SLC8A1: variants seen among roughly 807,000 people sequenced by gnomAD.
SLC8A1 encodes sodium/calcium exchanger 1.
A neutral mutation model predicts 68.3 loss-of-function variants in SLC8A1; 18 were observed. That is an observed-to-expected ratio of 0.26 (90% confidence interval 0.18 to 0.39). SLC8A1 has a LOEUF of 0.39. SLC8A1 is among the 10% of genes least tolerant of loss of function. SLC8A1 has a pLI of 1.00. For missense variants in SLC8A1, 985 were observed against 1,156.7 expected (o/e 0.85, Z 2.15); for synonymous variants, 475 against 415.5 (o/e 1.14, Z -1.74).
At chr2:40,218,744 TTAAC>T (rs1372857900) in intron 2 of SLC8A1, among the ~76,000 whole-genome samples, 2 of 150,976 alleles carry the variant, frequency 1.3e-5, no homozygotes, top group African/African-American at 4.8e-5. Flanking sequence ...AAAAAACTAA[TTAAC>T]ATCCTTGCTT....
At chr2:40,317,378 G>C (rs1484520262) in intron 2 of SLC8A1, among the ~76,000 whole-genome samples, 3 of 151,916 alleles carry the variant, frequency 2.0e-5, no homozygotes, top group Admixed American at 2.0e-4. Flanking sequence ...TAGTTGTTTT[G>C]GTTTAAGCTG....
chr2:40,239,310 C>T (rs1209873809), intron 2 of SLC8A1, among the ~76,000 whole-genome samples: 1 of 152,116 alleles, frequency 6.6e-6, no homozygotes, highest in East Asian at 1.9e-4. Flanking sequence ...TGACCATTAG[C>T]TGTCTGAGTG....
chr2:40,274,853 T>A (rs2066498997), intron 2 of SLC8A1, among the ~76,000 whole-genome samples: 1 of 152,188 alleles, frequency 6.6e-6, no homozygotes, highest in Non-Finnish European at 1.5e-5. Flanking sequence ...TCTCTGTAAA[T>A]GGATAAGGAT....
chr2:40,310,211 T>C (rs2073425961), intron 2 of SLC8A1, among the ~76,000 whole-genome samples: 2 of 152,120 alleles, frequency 1.3e-5, no homozygotes, highest in Non-Finnish European at 2.9e-5. Flanking sequence ...ATGTATGGAG[T>C]TGGTGCAGAC....
At chr2:40,186,972 AT>A (rs1558669398) in intron 2 of SLC8A1, among the ~76,000 whole-genome samples, 1 of 152,058 alleles carries the variant, frequency 6.6e-6, no homozygotes, top group East Asian at 1.9e-4. Context: ...GTTAGGTACT[AT>A]TATTCTTATT....
At chr2:40,308,669 A>G (rs1299298835) in intron 2 of SLC8A1, among the ~76,000 whole-genome samples, 1 of 152,168 alleles carries the variant, frequency 6.6e-6, no homozygotes, top group African/African-American at 2.4e-5. Flanking sequence ...ACAAAATAAA[A>G]ACAAACCTCT....
chr2:40,265,328 G>C (rs1479326840), intron 2 of SLC8A1, among the ~76,000 whole-genome samples: 1 of 152,206 alleles, frequency 6.6e-6, no homozygotes, highest in African/African-American at 2.4e-5. Context: ...CAGGTCTTAT[G>C]GTATTAAGGC....
chr2:40,351,806 G>C (rs1671193378), intron 2 of SLC8A1, among the ~76,000 whole-genome samples: 1 of 152,130 alleles, frequency 6.6e-6, no homozygotes, highest in Non-Finnish European at 1.5e-5. Flanking sequence ...AGAGATGGTA[G>C]GAATGAAAGA....
At chr2:40,132,226 G>C (rs190725137) in intron 7 of SLC8A1, among the ~76,000 whole-genome samples, 1 of 152,188 alleles carries the variant, frequency 6.6e-6, no homozygotes, top group East Asian at 1.9e-4. Context: ...CGATAGAGTA[G>C]CTAAGTACCA....
chr2:40,416,503 T>C (rs1020755352), intron 2 of SLC8A1, among the ~76,000 whole-genome samples: 1 of 152,212 alleles, frequency 6.6e-6, no homozygotes, highest in Non-Finnish European at 1.5e-5. Context: ...CTCTAAATCT[T>C]ATTCAGTGTT....
chr2:40,239,344 A>T (rs1390443937), intron 2 of SLC8A1, among the ~76,000 whole-genome samples: 4 of 152,210 alleles, frequency 2.6e-5, no homozygotes, highest in African/African-American at 9.6e-5. Flanking sequence ...TCACTGAGTT[A>T]TCTGGATTTT....
intron 6 of SLC8A1, among the ~76,000 whole-genome samples, chr2:40,153,037 A>ACATTT (rs1255711350): frequency 2.0e-5 from 3 of 152,200 alleles, no homozygotes; most frequent in Non-Finnish European, 2.9e-5. Context: ...TTTTGTCAGT[A>ACATTT]CATTTCAAAC....
chr2:40,301,861 C>G lies in SLC8A1; in HGVS notation c.1809-124006G>C, dbSNP rs1391592729. Among the ~76,000 whole-genome samples the G allele has an allele frequency of 7.2e-5, 11 of 152,132 alleles. No homozygotes were observed. The East Asian group carries it at 2.1e-3, about 30-fold the overall frequency. ...GCCCATCACCCAAGCAGTATATATACTGAACCCCAATTTTTTTTTGAGATG... is the reference window on the plus strand; with the variant it reads ...GCCCATCACCCAAGCAGTATATATAGTGAACCCCAATTTTTTTTTGAGATG... On this transcript the variant is annotated intron_variant, in intron 2 of 7. Transcript: ENST00000406785.
intron 2 of SLC8A1, chr2:40,208,282 G>C (rs1041097553): frequency 2.0e-5 from 3 of 152,154 alleles, no homozygotes; most frequent in African/African-American, 2.4e-5. Flanking sequence ...GGTTCCAAAG[G>C]CCCACCTCCT....
exon 8 of SLC8A1, chr2:40,111,602 T>TTA (rs1377248311): frequency 2.6e-5 from 4 of 152,142 alleles, no homozygotes; most frequent in Admixed American, 2.0e-4. Flanking sequence ...TACACAAACC[T>TTA]TAGAGGTCAC....
intron 5 of SLC8A1, among the ~76,000 whole-genome samples, chr2:40,162,595 G>T (rs1322492481): frequency 1.3e-5 from 2 of 152,166 alleles, no homozygotes; most frequent in East Asian, 1.9e-4. Flanking sequence ...AATCCTGGGG[G>T]ATTATAGTAT....
At chr2:40,328,422 C>G (rs533867792) in intron 2 of SLC8A1, among the ~76,000 whole-genome samples, 1 of 152,228 alleles carries the variant, frequency 6.6e-6, no homozygotes, top group East Asian at 1.9e-4. Context: ...TCATCTTCCT[C>G]CAACCACCAC....
At chr2:40,447,421 C>G (rs1427591618) in intron 1 of SLC8A1, among the ~76,000 whole-genome samples, 1 of 151,976 alleles carries the variant, frequency 6.6e-6, no homozygotes, top group Non-Finnish European at 1.5e-5. Context: ...ATCAACAGCC[C>G]CATTCCTGGG....
chr2:40,111,088 A>G (rs1438519519), exon 8 of SLC8A1: 1 of 152,190 alleles, frequency 6.6e-6, no homozygotes, highest in Non-Finnish European at 1.5e-5. Flanking sequence ...TTCTAAAACA[A>G]TATTTTGTAA....
Sources: allele counts gnomAD v4.1 joint callset (sites outside exome capture counted in the v4.1 genomes callset), GRCh38; gene constraint gnomAD v4.1.1; transcripts MANE v1.5; gene names NCBI Gene and HGNC (gene_info 2026-07-23, HGNC 2026-07-21).